The following SLC30A7 variants were observed in gnomAD, a reference collection of about 807,000 sequenced individuals.
SLC30A7 encodes solute carrier family 30 member 7.
In SLC30A7, 35 loss-of-function variants were observed where a neutral mutation model predicts 46.0. That is an observed-to-expected ratio of 0.76 (90% CI 0.58 to 1.01). The LOEUF is 1.01. SLC30A7 is among the 50% of genes least tolerant of loss of function. The pLI is 0.00. For missense variants in SLC30A7, 464 were observed against 451.1 expected, an observed-to-expected ratio of 1.03 and a Z score of -0.26; for synonymous variants, 147 against 157.8, an observed-to-expected ratio of 0.93 and a Z score of 0.51.
intron 10 of SLC30A7, among the ~76,000 whole-genome samples, chr1:100,969,065 T>G (rs1386241286): frequency 6.6e-6 from 1 of 152,194 alleles, no homozygotes; most frequent in Non-Finnish European, 1.5e-5. Context: ...TAATTAGGAT[T>G]TACTCCAGTG....
At chr1:100,905,693 A>G (rs1570505347) in intron 2 of SLC30A7, among the ~76,000 whole-genome samples, 1 of 152,112 alleles carries the variant, frequency 6.6e-6, no homozygotes, top group African/African-American at 2.4e-5. Flanking sequence ...TCAGAAGCCC[A>G]TGACTGTTAT....
intron 8 of SLC30A7, among the ~76,000 whole-genome samples, chr1:100,959,394 C>A (rs1655416418): frequency 6.6e-6 from 1 of 152,234 alleles, no homozygotes; most frequent in Middle Eastern, 3.4e-3. Context: ...GGTTTAGGAA[C>A]CTGGGCATAG....
In SLC30A7 at chr1:100,904,990, C is replaced by T. The variant is rs190471124; in HGVS notation, c.183-1862C>T. On this transcript the variant is annotated intron_variant, in intron 2 of 10. Transcript: ENST00000357650. ...TTCTCCATTCTCAGTGGTAGCAGAA[C>T]GTCTGCTTTGTGTTGGTAGAGGATT... Among the ~76,000 whole-genome samples the T allele has an allele frequency of 3.4e-4, 51 of 152,174 alleles. No homozygotes were observed. In the Middle Eastern group the frequency reaches 0.01, roughly 30 times the overall value.
intron 8 of SLC30A7, among the ~76,000 whole-genome samples, chr1:100,927,905 A>T (rs1401755450): frequency 6.6e-6 from 1 of 152,010 alleles, no homozygotes; most frequent in African/African-American, 2.4e-5. Context: ...TTAAGAATGG[A>T]GGTATTAGGG....
chr1:100,959,317 A>G (rs1655410403), intron 8 of SLC30A7, among the ~76,000 whole-genome samples: 1 of 152,212 alleles, frequency 6.6e-6, no homozygotes, highest in Admixed American at 6.5e-5. Flanking sequence ...TTATCTGTGG[A>G]TACATAATGA....
At chr1:100,965,700 C>T in intron 9 of SLC30A7, 69 bp from the exon 10 acceptor site, 1 of 1,279,304 alleles carries the variant, frequency 7.8e-7, no homozygotes, top group Non-Finnish European at 1.1e-6. Flanking sequence ...TGATATGTTG[C>T]ATAATAACTT....
chr1:100,911,426 C>G (rs1652085494), intron 4 of SLC30A7, among the ~76,000 whole-genome samples: 1 of 151,960 alleles, frequency 6.6e-6, no homozygotes. Flanking sequence ...ATAGTGAGGT[C>G]AGTAGGGAAA....
chr1:100,917,631 C>G (rs996984570), intron 6 of SLC30A7, among the ~76,000 whole-genome samples: 4 of 152,128 alleles, frequency 2.6e-5, no homozygotes, highest in African/African-American at 9.7e-5. Flanking sequence ...TCTTCTGTAT[C>G]AAGAGTTTGC....
the SLC30A7 span, chr1:100,995,196 C>A: frequency 7.3e-7 from 1 of 1,362,642 alleles, no homozygotes; most frequent in South Asian, 1.2e-5. Flanking sequence ...AAAGCTTTAT[C>A]CAAAACCCTA....
At chr1:100,993,077 A>T in the SLC30A7 span, among the ~76,000 whole-genome samples, 3 of 152,202 alleles carry the variant, frequency 2.0e-5, no homozygotes, top group Non-Finnish European at 4.4e-5. Context: ...CTCTAGCTTA[A>T]TCAGGTTATT....
chr1:100,962,503 T>C (rs1655601635), intron 9 of SLC30A7, among the ~76,000 whole-genome samples: 1 of 152,116 alleles, frequency 6.6e-6, no homozygotes, highest in Non-Finnish European at 1.5e-5. Context: ...CAAGGGAAAT[T>C]GCTAATGTAA....
intron 10 of SLC30A7, among the ~76,000 whole-genome samples, chr1:100,967,113 GCAGAGAGAATATAAATTCTGTTCT>G (rs1413161837): frequency 6.6e-6 from 1 of 152,168 alleles, no homozygotes; most frequent in Non-Finnish European, 1.5e-5. Flanking sequence ...TAAGAAAGAG[GCAGAGAGAATATAAATTCTGTTCT>G]CAGTCTAGTT....
intron 8 of SLC30A7, among the ~76,000 whole-genome samples, chr1:100,958,030 GA>G (rs1208706223): frequency 6.6e-6 from 1 of 152,100 alleles, no homozygotes; most frequent in Non-Finnish European, 1.5e-5. Context: ...TAGTTTAGAT[GA>G]ATGAATAACC....
intron 5 of SLC30A7, 141 bp from the exon 6 acceptor site, chr1:100,913,522 A>T: frequency 1.5e-6 from 1 of 656,836 alleles, no homozygotes; most frequent in Non-Finnish European, 2.6e-6. Context: ...GTTTTAACAA[A>T]TGTGTAACAC....
In SLC30A7 at chr1:100,911,074, C is replaced by T. The variant is rs754303164; in HGVS notation, c.308C>T (p.Ala103Val). 2.0e-5 allele frequency: 32 copies of T among 1,609,948 alleles called. No individual in the cohort carries two copies. The highest frequency in any genetic ancestry group is 4.5e-5 in the East Asian group (2 of 44,750). ...NDAFSYGYVRAEVLAGFVNGL... is the reference protein window; with the variant it reads ...NDAFSYGYVRVEVLAGFVNGL... ...TTGTTCCTCTTTAGGTATGTTAGAG[C>T]GGAAGTTCTGGCTGGCTTTGTCAAT... Residue 103 changes from alanine to valine, a missense_variant, in exon 4 of 11, where the codon GCG (alanine) becomes GTG (valine). Physicochemically the swap from Ala to Val is moderately conservative, Grantham distance 64. Transcript: ENST00000357650.
intron 2 of SLC30A7, among the ~76,000 whole-genome samples, chr1:100,902,814 A>C (rs1651391059): frequency 6.6e-6 from 1 of 152,160 alleles, no homozygotes; most frequent in Non-Finnish European, 1.5e-5. Flanking sequence ...ATATTAACTA[A>C]TTATATCTGC....
At chr1:100,922,867 T>A (rs1385819254) in intron 8 of SLC30A7, among the ~76,000 whole-genome samples, 1 of 152,182 alleles carries the variant, frequency 6.6e-6, no homozygotes, top group Non-Finnish European at 1.5e-5. Flanking sequence ...AATTTACATA[T>A]ACACTGTATA....
chr1:100,941,246 A>G, intron 8 of SLC30A7: 1 of 379,408 alleles, frequency 2.6e-6, no homozygotes, highest in East Asian at 6.4e-5. Context: ...CATTTTAACC[A>G]TCCCACTGCC....
At chr1:100,948,366 G>A (rs1217905636) in intron 8 of SLC30A7, among the ~76,000 whole-genome samples, 1 of 152,112 alleles carries the variant, frequency 6.6e-6, no homozygotes, top group Admixed American at 6.6e-5. Context: ...TTTAAATATT[G>A]GCCCCCACTC....
Sources: gnomAD v4.1 joint callset for allele counts (sites outside exome capture counted in the v4.1 genomes callset) on GRCh38, gnomAD v4.1.1 for gene constraint, MANE v1.5 for transcripts, NCBI Gene and HGNC (gene_info 2026-07-23, HGNC 2026-07-21) for gene names.